Variants in VEZT observed in about 807,000 individuals in gnomAD.
VEZT encodes vezatin, adherens junctions transmembrane protein.
A neutral mutation model predicts 79.9 loss-of-function variants in VEZT; 39 were observed. The observed-to-expected ratio is 0.49, with a 90% CI of 0.38 to 0.64. The LOEUF is 0.64. VEZT is among the 30% of genes least tolerant of loss of function. VEZT has a pLI of 0.00. For synonymous variants in VEZT, 325 were observed against 327.6 expected, an observed-to-expected ratio of 0.99 and a Z score of 0.09; for missense variants, 837 against 893.1, an observed-to-expected ratio of 0.94 and a Z score of 0.80.
chr12:95,292,683 G>A (rs1320176014), intron 9 of VEZT, among the ~76,000 whole-genome samples: 18 of 151,592 alleles, frequency 1.2e-4, no homozygotes, highest in Admixed American at 1.2e-3. Context: ...CAAATAGCTG[G>A]GACTACAGGC....
chr12:95,299,484 C>T (rs562101372), intron 11 of VEZT: 3 of 152,296 alleles, frequency 2.0e-5, no homozygotes, highest in Admixed American at 6.5e-5. Context: ...ATGCAGACTT[C>T]ATTTGTATTT....
intron 1 of VEZT, among the ~76,000 whole-genome samples, chr12:95,235,974 A>G (rs1370473567): frequency 1.1e-4 from 17 of 151,244 alleles, no homozygotes; most frequent in African/African-American, 4.1e-4. Context: ...CACTTCCTAG[A>G]TGGGATGGCA....
In VEZT at chr12:95,277,405, T is replaced by C. The variant is rs141160640; in HGVS notation, c.996+2516T>C. ...CTGTAAAAACTTGGAGAAACATCTG[T>C]TGCCAGTGAAACAATCAGGATACAT... On this transcript the variant is annotated intron_variant, in intron 7 of 11. Transcript: ENST00000436874. Among the ~76,000 whole-genome samples, 34 of 152,190 alleles carry C rather than the reference T, an allele frequency of 2.2e-4. 1 individual carries two copies. Among genetic ancestry groups the C allele is most frequent in the Non-Finnish European group, 2.9e-5 (2 of 68,012 alleles).
chr12:95,296,306 T>G (rs1302020624), intron 11 of VEZT, 48 bp downstream of exon 11: 11 of 1,504,206 alleles, frequency 7.3e-6, no homozygotes, highest in Non-Finnish European at 9.8e-6. Flanking sequence ...TAGGGGATTC[T>G]TTCTTTCTTG....
At chr12:95,281,662 C>T (rs1379968032) in intron 7 of VEZT, among the ~76,000 whole-genome samples, 2 of 151,550 alleles carry the variant, frequency 1.3e-5, no homozygotes, top group Non-Finnish European at 1.5e-5. Context: ...TTTCCTGCCT[C>T]GGCCTCCGAA....
intron 10 of VEZT, among the ~76,000 whole-genome samples, chr12:95,294,807 A>G (rs556544290): frequency 5.9e-5 from 9 of 152,184 alleles, no homozygotes; most frequent in Non-Finnish European, 1.3e-4. Flanking sequence ...TCCTTAGGTC[A>G]TATTATCTAT....
At chr12:95,282,683 T>G in intron 8 of VEZT, 39 bp downstream of exon 8, 84 of 1,505,892 alleles carry the variant, frequency 5.6e-5, no homozygotes, top group Non-Finnish European at 6.7e-5. Context: ...TCTCGGTAAT[T>G]AGCAAGCTTC....
intron 1 of VEZT, among the ~76,000 whole-genome samples, chr12:95,251,410 A>T (rs1362408614): frequency 6.6e-6 from 1 of 152,180 alleles, no homozygotes; most frequent in Non-Finnish European, 1.5e-5. Flanking sequence ...CTAAGGTAAC[A>T]TTATTGAAGA....
chr12:95,271,561 A>C (rs2066602032), intron 6 of VEZT, among the ~76,000 whole-genome samples: 1 of 152,210 alleles, frequency 6.6e-6, no homozygotes, highest in African/African-American at 2.4e-5. Context: ...AGATAGAAGG[A>C]AGCAAAAACA....
At chr12:95,287,921 T>A (rs1303688215) in intron 9 of VEZT, 64 bp downstream of exon 9, 54 of 1,383,498 alleles carry the variant, frequency 3.9e-5, no homozygotes, top group Non-Finnish European at 4.2e-5. Flanking sequence ...CTGGTAGGAT[T>A]TTATTAGGTA....
chr12:95,252,823 G>T (rs2062828796), intron 2 of VEZT, among the ~76,000 whole-genome samples: 1 of 152,190 alleles, frequency 6.6e-6, no homozygotes, highest in Non-Finnish European at 1.5e-5. Flanking sequence ...AAATTAGCTG[G>T]GCGTGGTGGC....
intron 3 of VEZT, among the ~76,000 whole-genome samples, chr12:95,259,764 A>G (rs1418660463): frequency 2.0e-5 from 3 of 152,204 alleles, no homozygotes; most frequent in Admixed American, 6.5e-5. Flanking sequence ...TCCCAGTCCA[A>G]ATAGTACTGT....
chr12:95,250,083 A>C (rs1251394696), intron 1 of VEZT, among the ~76,000 whole-genome samples: 1 of 135,064 alleles, frequency 7.4e-6, no homozygotes, highest in African/African-American at 2.8e-5. Flanking sequence ...TTATTATTAT[A>C]CTTTAAGTTT....
intron 1 of VEZT, among the ~76,000 whole-genome samples, chr12:95,233,710 T>C (rs1441191320): frequency 2.0e-5 from 3 of 152,210 alleles, no homozygotes; most frequent in Admixed American, 6.5e-5. Flanking sequence ...CCAATGTTGG[T>C]ATATTTTCTT....
At chr12:95,276,368 CA>C (rs371554622) in intron 7 of VEZT, among the ~76,000 whole-genome samples, 98 of 144,970 alleles carry the variant, frequency 6.8e-4, no homozygotes, top group African/African-American at 2.4e-3. Flanking sequence ...CCCCAGGCCT[CA>C]GGTGATCCTC....
chr12:95,263,716 A>G (rs2064974147), intron 4 of VEZT: 1 of 152,118 alleles, frequency 6.6e-6, no homozygotes, highest in South Asian at 2.1e-4. Flanking sequence ...TGCAAACCTA[A>G]CCTTCTTTGT....
chr12:95,226,098 TAAAAAAAA>T (rs11309269), intron 1 of VEZT, among the ~76,000 whole-genome samples: 1 of 137,548 alleles, frequency 7.3e-6, no homozygotes, highest in Non-Finnish European at 1.6e-5. Context: ...TGCCTTTATT[TAAAAAAAA>T]AAAAAAAAAA....
At position 95,300,447 on chromosome 12, in the gene VEZT, G is replaced by A. The variant is rs1414079439; in HGVS notation, c.2114G>A (p.Ser705Asn). ...ESEDEPQADG[S>N]GLTTAPPTPR... ...GAAGATGAACCACAAGCAGATGGAAGTGGTCTGACCACTGCCCCTCCAACT... is the reference window on the plus strand; with the variant it reads ...GAAGATGAACCACAAGCAGATGGAAATGGTCTGACCACTGCCCCTCCAACT... The change falls in exon 12 of 12, where the codon AGT (serine) becomes AAT (asparagine). Residue 705 changes from serine to asparagine, a missense_variant. Transcript: ENST00000436874. 3 of 1,613,992 alleles carry A rather than the reference G, an allele frequency of 1.9e-6. No individual in the cohort carries two copies. The South Asian group carries it at 3.3e-5, about 18-fold the overall frequency.
chr12:95,250,259 A>G (rs1212917387), intron 1 of VEZT, among the ~76,000 whole-genome samples: 2 of 117,048 alleles, frequency 1.7e-5, no homozygotes, highest in Non-Finnish European at 3.4e-5. Flanking sequence ...TAAATATTTC[A>G]TTGAATGGAA....
Sources: gnomAD v4.1 joint callset for allele counts (sites outside exome capture counted in the v4.1 genomes callset) on GRCh38, gnomAD v4.1.1 for gene constraint, MANE v1.5 for transcripts, NCBI Gene and HGNC (gene_info 2026-07-23, HGNC 2026-07-21) for gene names.